The following ZC3H12B variants were observed in gnomAD, a reference collection of about 807,000 sequenced individuals.
ZC3H12B encodes the protein zinc finger CCCH-type containing 12B, also known as probable ribonuclease ZC3H12B.
In ZC3H12B, 7 loss-of-function variants were observed where a neutral mutation model predicts 43.9. That is an observed-to-expected ratio of 0.16 (90% CI 0.09 to 0.30). The LOEUF is 0.30. ZC3H12B is among the 10% of genes least tolerant of loss of function. The probability of loss-of-function intolerance (pLI) is 1.00; values close to 1 mark genes in which losing one functional copy is unlikely to be tolerated. For missense variants in ZC3H12B, 475 were observed against 670.2 expected (o/e 0.71, Z 3.22); for synonymous variants, 222 against 241.7 (o/e 0.92, Z 0.76).
At chrX:65,054,883 CTGTT>C in the ZC3H12B span, among the ~76,000 whole-genome samples, 35 of 111,292 alleles carry the variant, frequency 3.1e-4, no homozygotes, top group Admixed American at 2.8e-3. Flanking sequence ...ATTTGGCTCT[CTGTT>C]TGTCTGTTAT....
At chrX:65,472,978 A>G (rs867945884) in intron 3 of ZC3H12B, among the ~76,000 whole-genome samples, 1,515 of 72,368 alleles carry the variant, frequency 0.021, 24 homozygotes, top group African/African-American at 0.067. Flanking sequence ...ATGTGTGTGT[A>G]TATATATATA....
the ZC3H12B span, among the ~76,000 whole-genome samples, chrX:65,351,388 A>G: frequency 2.7e-5 from 3 of 112,246 alleles, no homozygotes; most frequent in Non-Finnish European, 5.6e-5. Flanking sequence ...GGGCAATACC[A>G]TTCAGGACAT....
chrX:65,062,898 A>T, the ZC3H12B span, among the ~76,000 whole-genome samples: 2 of 111,239 alleles, frequency 1.8e-5, no homozygotes, highest in African/African-American at 6.5e-5. Flanking sequence ...TTGTATTCCT[A>T]GGTATTTTAT....
At chrX:65,266,588 G>A in the ZC3H12B span, among the ~76,000 whole-genome samples, 1 of 111,713 alleles carries the variant, frequency 9.0e-6, no homozygotes, top group Non-Finnish European at 1.9e-5. Context: ...CAGTAAAGGA[G>A]CGCTATGGAA....
chrX:65,448,903 GAGAA>G (rs1411978729), intron 3 of ZC3H12B, among the ~76,000 whole-genome samples: 1 of 80,913 alleles, frequency 1.2e-5, no homozygotes, highest in African/African-American at 5.9e-5. Flanking sequence ...GAAAGAGAGA[GAGAA>G]AGAGAGAAAG....
At chrX:65,142,417 G>C in the ZC3H12B span, among the ~76,000 whole-genome samples, 1 of 112,214 alleles carries the variant, frequency 8.9e-6, no homozygotes, top group Non-Finnish European at 1.9e-5. Context: ...TTTGTCAGAT[G>C]TATGGATTGT....
the ZC3H12B span, among the ~76,000 whole-genome samples, chrX:65,294,500 A>T: frequency 9.0e-6 from 1 of 111,535 alleles, no homozygotes; most frequent in Admixed American, 9.6e-5. Context: ...TAGAATAGTA[A>T]CTCACTTCTC....
At chrX:65,385,596 G>C (rs1331356643) in intron 2 of ZC3H12B, among the ~76,000 whole-genome samples, 1 of 111,756 alleles carries the variant, frequency 8.9e-6, no homozygotes, top group African/African-American at 3.3e-5. Flanking sequence ...CTGCAAACAG[G>C]GACAATTTGA....
chrX:65,460,130 A>T (rs1033462829), intron 3 of ZC3H12B, among the ~76,000 whole-genome samples: 3 of 111,821 alleles, frequency 2.7e-5, no homozygotes, highest in Admixed American at 9.5e-5. Context: ...AGAATAAAAT[A>T]CCTAGGAATC....
chrX:65,341,920 T>C, the ZC3H12B span, among the ~76,000 whole-genome samples: 1 of 111,323 alleles, frequency 9.0e-6, no homozygotes, highest in Non-Finnish European at 1.9e-5. Flanking sequence ...ACAGAGTGGC[T>C]ACCTGAATGT....
intron 3 of ZC3H12B, among the ~76,000 whole-genome samples, chrX:65,464,045 C>G (rs192744150): frequency 2.0e-4 from 22 of 112,103 alleles, no homozygotes; most frequent in African/African-American, 7.1e-4. Flanking sequence ...GAGACAAAAA[C>G]AGCAGCTTCC....
At chrX:65,450,277 C>G (rs1331145076) in intron 3 of ZC3H12B, among the ~76,000 whole-genome samples, 4 of 94,474 alleles carry the variant, frequency 4.2e-5, no homozygotes, top group Non-Finnish European at 8.2e-5. Flanking sequence ...GCCTTCCAGC[C>G]TGGGCGACAG....
the ZC3H12B span, among the ~76,000 whole-genome samples, chrX:65,100,566 CAAAAAAA>C: frequency 0.013 from 60 of 4,527 alleles, no homozygotes; most frequent in African/African-American, 0.043. Flanking sequence ...AAAGATAAAG[CAAAAAAA>C]AAAAAAAAAA....
At chrX:65,324,920 G>A in the ZC3H12B span, among the ~76,000 whole-genome samples, 2 of 110,426 alleles carry the variant, frequency 1.8e-5, no homozygotes, top group Non-Finnish European at 3.8e-5. Flanking sequence ...TTATTGTATT[G>A]CAATCTATCT....
chrX:65,190,406 G>A, the ZC3H12B span, among the ~76,000 whole-genome samples: 19 of 111,086 alleles, frequency 1.7e-4, no homozygotes, highest in Non-Finnish European at 3.4e-4. Context: ...CCATTTTCAC[G>A]ATATTGATTC....
chrX:65,213,953 C>A, the ZC3H12B span, among the ~76,000 whole-genome samples: 1 of 108,993 alleles, frequency 9.2e-6, no homozygotes, highest in African/African-American at 3.3e-5. Context: ...ACATATATAA[C>A]AAGTCACATG....
At chrX:65,058,819 C>G in the ZC3H12B span, among the ~76,000 whole-genome samples, 3 of 112,152 alleles carry the variant, frequency 2.7e-5, no homozygotes, top group South Asian at 1.1e-3. Flanking sequence ...GCAGTTGGAT[C>G]TCAGACTGCT....
chrX:65,207,547 G>T, the ZC3H12B span, among the ~76,000 whole-genome samples: 1 of 110,701 alleles, frequency 9.0e-6, no homozygotes, highest in African/African-American at 3.3e-5. Flanking sequence ...CACTGCTGGG[G>T]TGATGGGTGC....
At chrX:65,334,345 C>G in the ZC3H12B span, among the ~76,000 whole-genome samples, 1 of 112,062 alleles carries the variant, frequency 8.9e-6, no homozygotes, top group Non-Finnish European at 1.9e-5. Context: ...CTTGCTGAAA[C>G]CTTCAGCTTT....
Sources: gnomAD v4.1 joint callset for allele counts (sites outside exome capture counted in the v4.1 genomes callset) on GRCh38, gnomAD v4.1.1 for gene constraint, MANE v1.5 for transcripts, NCBI Gene and HGNC (gene_info 2026-07-23, HGNC 2026-07-21) for gene names.